The following MARCHF1 variants were observed in gnomAD, a reference collection of about 807,000 sequenced individuals.
MARCHF1 encodes E3 ubiquitin-protein ligase MARCHF1.
In MARCHF1, 40 loss-of-function variants were observed where a neutral mutation model predicts 54.2. The ratio of observed to expected loss-of-function variants is 0.74; its 90% CI spans 0.57 to 0.96. The LOEUF is 0.96. MARCHF1 is among the 40% of genes least tolerant of loss of function. The pLI is 0.00. For missense variants in MARCHF1, 586 were observed against 656.5 expected (o/e 0.89, Z 1.17); for synonymous variants, 236 against 236.3 (o/e 1.00, Z 0.01).
At chr4:163,695,009 T>A (rs1744575403) in intron 5 of MARCHF1, among the ~76,000 whole-genome samples, 1 of 152,176 alleles carries the variant, frequency 6.6e-6, no homozygotes, top group Non-Finnish European at 1.5e-5. Context: ...TATCCTACTT[T>A]ACTTCATCAA....
intron 1 of MARCHF1, among the ~76,000 whole-genome samples, chr4:164,206,905 T>C (rs1731621745): frequency 6.6e-6 from 1 of 152,074 alleles, no homozygotes; most frequent in East Asian, 1.9e-4. Flanking sequence ...AACCAAGTTT[T>C]AAATTATAAT....
intron 5 of MARCHF1, among the ~76,000 whole-genome samples, chr4:163,683,644 T>C (rs148712367): frequency 2.2e-4 from 33 of 152,356 alleles, no homozygotes; most frequent in African/African-American, 7.9e-4. Flanking sequence ...TTAACTTAAA[T>C]AGTCCTTAAC....
intron 1 of MARCHF1, among the ~76,000 whole-genome samples, chr4:164,128,154 T>C (rs1387047121): frequency 1.3e-5 from 2 of 152,094 alleles, no homozygotes; most frequent in Non-Finnish European, 2.9e-5. Flanking sequence ...CAGAATTACT[T>C]TAAGAACATC....
At chr4:164,208,297 G>C (rs139431251) in intron 1 of MARCHF1, among the ~76,000 whole-genome samples, 136 of 152,292 alleles carry the variant, frequency 8.9e-4, no homozygotes, top group African/African-American at 2.7e-3. Context: ...AATTTAAATT[G>C]CATCTAGAAA....
intron 1 of MARCHF1, among the ~76,000 whole-genome samples, chr4:164,285,939 T>A (rs1056954875): frequency 6.6e-6 from 1 of 151,778 alleles, no homozygotes; most frequent in Admixed American, 6.6e-5. Flanking sequence ...AAAATTATGA[T>A]CTGGACTACC....
At chr4:163,839,003 A>G (rs890083004) in intron 4 of MARCHF1, among the ~76,000 whole-genome samples, 2 of 152,102 alleles carry the variant, frequency 1.3e-5, no homozygotes, top group Non-Finnish European at 2.9e-5. Flanking sequence ...TAAATCTTAT[A>G]TCTAATAGGG....
chr4:164,036,691 T>TA (rs1754011538), intron 2 of MARCHF1, among the ~76,000 whole-genome samples: 1 of 152,094 alleles, frequency 6.6e-6, no homozygotes, highest in Non-Finnish European at 1.5e-5. Context: ...GGTAAGGAGA[T>TA]AAAAAATGTT....
chr4:163,835,951 A>G (rs1749169638), intron 4 of MARCHF1, among the ~76,000 whole-genome samples: 2 of 152,168 alleles, frequency 1.3e-5, no homozygotes, highest in South Asian at 4.1e-4. Context: ...CAGCTTCTCC[A>G]GCTCTAGATA....
chr4:164,037,884 T>A (rs924829350), intron 2 of MARCHF1, among the ~76,000 whole-genome samples: 2 of 152,192 alleles, frequency 1.3e-5, no homozygotes, highest in Non-Finnish European at 2.9e-5. Flanking sequence ...TCCTCAAAAG[T>A]TACATATTGC....
At position 163,545,904 on chromosome 4, in the gene MARCHF1, T is replaced by G. The variant is rs1414632158; in HGVS notation, c.1192-161A>C. On this transcript the variant is annotated intron_variant, in intron 8 of 9. Coordinates refer to ENST00000514618, the MANE Select transcript of MARCHF1 (RefSeq NM_001394959.1). ...AAATAAGTCTTCATGTTTAGAGAGA[T>G]ATGAAATTATAACCTAGAGAGTTAC... Among the ~76,000 whole-genome samples the G allele has an allele frequency of 3.9e-5, 6 of 152,108 alleles. No homozygotes were observed. In the South Asian group the frequency reaches 6.2e-4, roughly 16 times the overall value.
chr4:164,127,913 G>GA lies in MARCHF1; in HGVS notation c.-322-16252dup, dbSNP rs1160900880. Among the ~76,000 whole-genome samples, 9 of 149,440 alleles carry GA rather than the reference G, an allele frequency of 6.0e-5. No homozygotes were observed. In the East Asian group the frequency reaches 7.8e-4, roughly 13 times the overall value. ...GAATTAGTGAGCACCTCCTGAAAAA[G>GA]AAAAAAAAATGAAGGGGGCTTAGCC... On this transcript the variant is annotated intron_variant, in intron 1 of 9. Transcript: ENST00000514618.
chr4:164,182,222 G>A (rs1407133766), intron 1 of MARCHF1, among the ~76,000 whole-genome samples: 4 of 151,950 alleles, frequency 2.6e-5, no homozygotes, highest in South Asian at 2.1e-4. Context: ...TAGTGTAATC[G>A]GAGCCTGACA....
chr4:163,907,743 TC>T (rs752534540), intron 3 of MARCHF1, among the ~76,000 whole-genome samples: 6 of 152,108 alleles, frequency 3.9e-5, no homozygotes, highest in Non-Finnish European at 8.8e-5. Flanking sequence ...ATTTCTCCTA[TC>T]TAGACACTAA....
intron 1 of MARCHF1, among the ~76,000 whole-genome samples, chr4:164,369,473 T>C (rs1462573057): frequency 6.6e-6 from 1 of 152,160 alleles, no homozygotes; most frequent in Non-Finnish European, 1.5e-5. Flanking sequence ...ATTTCTGTGG[T>C]TAGATTTTCT....
chr4:164,078,884 C>T (rs1579515810), intron 2 of MARCHF1, among the ~76,000 whole-genome samples: 1 of 151,738 alleles, frequency 6.6e-6, no homozygotes, highest in East Asian at 1.9e-4. Flanking sequence ...CAAACCTGCA[C>T]GTTGTGCACA....
Position 164,214,679 on chromosome 4 carries a change from C to G in MARCHF1, c.-322-103017G>C, listed in dbSNP as rs115830431. On this transcript the variant is annotated intron_variant, in intron 1 of 9. Coordinates refer to ENST00000514618, the MANE Select transcript of MARCHF1 (RefSeq NM_001394959.1). Reference sequence around the variant, plus strand: ...TGGTGGATTTTTAGATAACTGTGGTCAAGGGTCTTTGGTAAGCAAAATATT... The same window carrying G: ...TGGTGGATTTTTAGATAACTGTGGTGAAGGGTCTTTGGTAAGCAAAATATT... Among the ~76,000 whole-genome samples, 708 of 152,216 alleles carry G rather than the reference C, an allele frequency of 4.7e-3. 10 individuals carry two copies. The highest frequency in any genetic ancestry group is 0.017 in the African/African-American group (686 of 41,538).
chr4:164,099,559 G>C (rs932399669), intron 2 of MARCHF1, among the ~76,000 whole-genome samples: 2 of 151,994 alleles, frequency 1.3e-5, no homozygotes, highest in Non-Finnish European at 2.9e-5. Flanking sequence ...GATTACCTAA[G>C]GCATATTAGA....
At chr4:163,676,450 T>A (rs1472169585) in intron 5 of MARCHF1, among the ~76,000 whole-genome samples, 2 of 151,606 alleles carry the variant, frequency 1.3e-5, no homozygotes, top group Non-Finnish European at 2.9e-5. Context: ...AATGTATAGG[T>A]TTAAAGTCAT....
chr4:163,669,909 T>A (rs759219924), intron 5 of MARCHF1, among the ~76,000 whole-genome samples: 1 of 152,248 alleles, frequency 6.6e-6, no homozygotes, highest in East Asian at 1.9e-4. Context: ...GAGATGTTTA[T>A]CTTCTTATGG....
Sources: allele counts gnomAD v4.1 joint callset (sites outside exome capture counted in the v4.1 genomes callset), GRCh38; gene constraint gnomAD v4.1.1; transcripts MANE v1.5; gene names NCBI Gene and HGNC (gene_info 2026-07-23, HGNC 2026-07-21).